Variants in HVCN1 observed in about 807,000 individuals in gnomAD.
HVCN1 encodes the protein voltage-gated hydrogen channel 1.
HVCN1 carries 14 observed loss-of-function variants against 29.2 expected under a neutral mutation model. The ratio of observed to expected loss-of-function variants is 0.48; its 90% CI spans 0.32 to 0.75. The LOEUF is 0.75. Among genes scored for constraint, HVCN1 ranks in the 30% least tolerant of loss-of-function variants. The pLI is 0.04. For synonymous variants in HVCN1, 131 were observed against 133.2 expected (o/e 0.98, Z 0.11); for missense variants, 263 against 341.8 (o/e 0.77, Z 1.82).
intron 3 of HVCN1, among the ~76,000 whole-genome samples, chr12:110,673,638 CCT>C (rs1273987580): frequency 1.3e-5 from 2 of 152,202 alleles, no homozygotes; most frequent in Non-Finnish European, 1.5e-5. Flanking sequence ...GACTTGGTGC[CCT>C]GTGTCCAGCT....
chr12:110,678,103 GTC>G (rs1482128375), intron 3 of HVCN1, among the ~76,000 whole-genome samples: 4 of 152,322 alleles, frequency 2.6e-5, no homozygotes, highest in South Asian at 2.1e-4. Flanking sequence ...GGACTGCAAT[GTC>G]TCTGTTTATG....
intron 3 of HVCN1, among the ~76,000 whole-genome samples, chr12:110,682,147 C>T (rs999027601): frequency 2.6e-5 from 4 of 152,098 alleles, no homozygotes; most frequent in African/African-American, 9.7e-5. Flanking sequence ...GTCAGGATGC[C>T]TGGCTAATTT....
At chr12:110,657,709 A>G (rs1008948218) in intron 4 of HVCN1, among the ~76,000 whole-genome samples, 1 of 152,212 alleles carries the variant, frequency 6.6e-6, no homozygotes, top group Admixed American at 6.5e-5. Context: ...ATGCCAGGAT[A>G]ATAACCCCAG....
intron 4 of HVCN1, among the ~76,000 whole-genome samples, chr12:110,657,618 T>C (rs1390472776): frequency 1.3e-5 from 2 of 152,122 alleles, no homozygotes; most frequent in African/African-American, 4.8e-5. Flanking sequence ...ATGATTGTTA[T>C]GTGAATCTCA....
At chr12:110,673,187 A>G (rs1041811153) in intron 3 of HVCN1, among the ~76,000 whole-genome samples, 1 of 152,194 alleles carries the variant, frequency 6.6e-6, no homozygotes, top group African/African-American at 2.4e-5. Flanking sequence ...GTGGTCTCAG[A>G]TGGAGATGAG....
At chr12:110,677,093 T>G (rs563859829) in intron 3 of HVCN1, among the ~76,000 whole-genome samples, 64 of 152,102 alleles carry the variant, frequency 4.2e-4, no homozygotes, top group African/African-American at 1.4e-3. Context: ...TAGTCCCAGT[T>G]ACTTGGGAGA....
chr12:110,655,242 CAT>C lies in HVCN1; in HGVS notation c.401_402del (p.Tyr134CysfsTer23). 4.3e-6 allele frequency: 7 copies of C among 1,612,842 alleles called. No individual in the cohort carries two copies. Among genetic ancestry groups the C allele is most frequent in the African/African-American group, 1.3e-5 (1 of 74,928 alleles). The part of the protein sequence containing the change: ...LKIIQPDKNN[Y>X]AAMVFHYMSI... Reference sequence around the variant, plus strand: ...GAGCTGTCAACCCCTACCATGGCAGCATAGTTATTCTTGTCGGGCTGGATGAT... The same window carrying C: ...GAGCTGTCAACCCCTACCATGGCAGCAGTTATTCTTGTCGGGCTGGATGAT... On this transcript the variant is annotated frameshift_variant, in exon 5 of 8. Transcript: ENST00000242607. LOFTEE classifies it high-confidence loss of function.
chr12:110,699,784 G>C (rs1323597369), intron 2 of HVCN1, among the ~76,000 whole-genome samples: 2 of 152,120 alleles, frequency 1.3e-5, no homozygotes, highest in Admixed American at 1.3e-4. Context: ...CATGAGGTAG[G>C]CCCTCCGATG....
intron 5 of HVCN1, among the ~76,000 whole-genome samples, chr12:110,652,974 C>T (rs984662566): frequency 2.6e-5 from 4 of 152,296 alleles, no homozygotes; most frequent in South Asian, 4.2e-4. Flanking sequence ...TCCAGAACAT[C>T]GCCAGCCAAT....
intron 6 of HVCN1, among the ~76,000 whole-genome samples, chr12:110,650,695 GTTT>G (rs63680261): frequency 3.1e-5 from 4 of 129,502 alleles, no homozygotes; most frequent in Admixed American, 7.7e-5. Context: ...CAAGAGTCCA[GTTT>G]TTTTTTTTTT....
chr12:110,665,019 A>G (rs2136318236), intron 3 of HVCN1, among the ~76,000 whole-genome samples: 1 of 152,242 alleles, frequency 6.6e-6, no homozygotes, highest in Admixed American at 6.5e-5. Flanking sequence ...AGTAGACCTA[A>G]TCTAGCTTTA....
chr12:110,698,658 T>C (rs1252848190), intron 2 of HVCN1, among the ~76,000 whole-genome samples: 1 of 152,206 alleles, frequency 6.6e-6, no homozygotes, highest in Non-Finnish European at 1.5e-5. Flanking sequence ...CCGAGCACTG[T>C]CTGCAGGGAC....
chr12:110,671,851 G>A (rs1469215811), intron 3 of HVCN1, among the ~76,000 whole-genome samples: 1 of 152,150 alleles, frequency 6.6e-6, no homozygotes, highest in African/African-American at 2.4e-5. Flanking sequence ...AGGCAGGAAG[G>A]GTAGGTGAAG....
upstream of HVCN1, among the ~76,000 whole-genome samples, chr12:110,691,091 C>T (rs529637723): frequency 4.0e-5 from 6 of 149,466 alleles, no homozygotes; most frequent in Non-Finnish European, 7.4e-5. Context: ...GAGGTGGAGT[C>T]GCGCTCTGTC....
chr12:110,656,213 G>A (rs1039672165), intron 4 of HVCN1, among the ~76,000 whole-genome samples: 1 of 152,222 alleles, frequency 6.6e-6, no homozygotes, highest in African/African-American at 2.4e-5. Flanking sequence ...ACCTGCCCCA[G>A]CTCTCGTGTG....
chr12:110,651,084 G>C (rs971434071), intron 6 of HVCN1, 133 bp downstream of exon 6: 3 of 639,476 alleles, frequency 4.7e-6, no homozygotes, highest in African/African-American at 1.8e-5. Flanking sequence ...AGGGAGGTGA[G>C]GGGGCAGAGG....
intron 5 of HVCN1, among the ~76,000 whole-genome samples, chr12:110,652,484 T>C (rs1387316951): frequency 6.6e-6 from 1 of 152,184 alleles, no homozygotes; most frequent in African/African-American, 2.4e-5. Flanking sequence ...CAAGGACGTC[T>C]TTTGCCAGCA....
At chr12:110,685,617 C>T (rs189041951) in intron 2 of HVCN1, among the ~76,000 whole-genome samples, 3 of 152,032 alleles carry the variant, frequency 2.0e-5, no homozygotes, top group African/African-American at 7.2e-5. Context: ...TGGACATTTA[C>T]GGTTGTTTCC....
chr12:110,672,619 A>G (rs1437987114), intron 3 of HVCN1, among the ~76,000 whole-genome samples: 2 of 152,134 alleles, frequency 1.3e-5, no homozygotes, highest in Non-Finnish European at 2.9e-5. Context: ...AACCTATTAG[A>G]TATGATTTGG....
Sources: gnomAD v4.1 joint callset for allele counts (sites outside exome capture counted in the v4.1 genomes callset) on GRCh38, gnomAD v4.1.1 for gene constraint, MANE v1.5 for transcripts, NCBI Gene and HGNC (gene_info 2026-07-23, HGNC 2026-07-21) for gene names.